The following PKIB variants were observed in gnomAD, a reference collection of about 807,000 sequenced individuals.
The protein encoded by PKIB is PKI-beta.
In PKIB, 2 loss-of-function variants were observed where a neutral mutation model predicts 4.5. The ratio of observed to expected loss-of-function variants is 0.44; its 90% CI spans 0.18 to 1.39. PKIB has a LOEUF of 1.39. Among genes scored for constraint, PKIB ranks in the 40% most tolerant of loss-of-function variants. The pLI, the probability that PKIB is intolerant of heterozygous loss-of-function variation, is 0.27. For synonymous variants in PKIB, 38 were observed against 36.0 expected (o/e 1.06, Z -0.20); for missense variants, 94 against 92.6 (o/e 1.02, Z -0.06).
At chr6:122,613,699 C>T (rs917012390) in intron 1 of PKIB, among the ~76,000 whole-genome samples, 33 of 152,068 alleles carry the variant, frequency 2.2e-4, no homozygotes, top group Non-Finnish European at 3.5e-4. Context: ...TGCGTGGTGG[C>T]TCATGCCTGT....
chr6:122,688,881 C>T (rs536662685), intron 3 of PKIB, among the ~76,000 whole-genome samples: 32 of 151,422 alleles, frequency 2.1e-4, no homozygotes, highest in East Asian at 7.8e-4. Context: ...CCCGGGTTCA[C>T]GCCATTCTCC....
intron 2 of PKIB, among the ~76,000 whole-genome samples, chr6:122,545,982 G>A (rs778616250): frequency 6.6e-6 from 1 of 151,658 alleles, no homozygotes. Flanking sequence ...CAGGTATAGC[G>A]TTAAGGGGTT....
intron 2 of PKIB, among the ~76,000 whole-genome samples, chr6:122,549,131 T>G (rs1772590726): frequency 1.3e-5 from 2 of 152,326 alleles, no homozygotes; most frequent in South Asian, 2.1e-4. Context: ...TGTGAAGTTC[T>G]TCTGTTCTTA....
chr6:122,686,327 C>G (rs1778089433), intron 3 of PKIB, among the ~76,000 whole-genome samples: 2 of 152,152 alleles, frequency 1.3e-5, no homozygotes, highest in Admixed American at 6.5e-5. Flanking sequence ...TATTGTCTCT[C>G]TTTTTAATAA....
At chr6:122,511,048 C>T (rs1459036616) in intron 2 of PKIB, among the ~76,000 whole-genome samples, 2 of 152,104 alleles carry the variant, frequency 1.3e-5, no homozygotes, top group East Asian at 1.9e-4. Context: ...TTTGTTAGTA[C>T]TTAGTAGACG....
intron 1 of PKIB, among the ~76,000 whole-genome samples, chr6:122,477,198 G>A (rs1775470956): frequency 6.6e-6 from 1 of 152,080 alleles, no homozygotes; most frequent in South Asian, 2.1e-4. Flanking sequence ...ATCTCCATTT[G>A]GACCAGCATA....
intron 2 of PKIB, among the ~76,000 whole-genome samples, chr6:122,515,609 C>A (rs1338002675): frequency 6.6e-6 from 1 of 152,112 alleles, no homozygotes; most frequent in Non-Finnish European, 1.5e-5. Context: ...AGCAGGTACC[C>A]CATGTACATG....
intron 2 of PKIB, among the ~76,000 whole-genome samples, chr6:122,554,285 T>G (rs1357216470): frequency 6.6e-6 from 1 of 152,210 alleles, no homozygotes; most frequent in Non-Finnish European, 1.5e-5. Context: ...AAGCAAAGAT[T>G]CTTGAATTTT....
intron 2 of PKIB, among the ~76,000 whole-genome samples, chr6:122,639,987 A>G (rs929527244): frequency 1.3e-5 from 2 of 152,172 alleles, no homozygotes; most frequent in Non-Finnish European, 2.9e-5. Flanking sequence ...AGTTAGATCT[A>G]CCAGCTTTGT....
At chr6:122,630,382 C>T (rs1300489628) in intron 1 of PKIB, among the ~76,000 whole-genome samples, 1 of 152,090 alleles carries the variant, frequency 6.6e-6, no homozygotes, top group East Asian at 1.9e-4. Flanking sequence ...AATTCTGGCA[C>T]TTGCTGCCAC....
intron 3 of PKIB, among the ~76,000 whole-genome samples, chr6:122,707,618 A>T (rs1273994048): frequency 6.6e-6 from 1 of 152,144 alleles, no homozygotes; most frequent in Non-Finnish European, 1.5e-5. Flanking sequence ...TATTTTACAT[A>T]GTTGGTATAT....
intron 3 of PKIB, among the ~76,000 whole-genome samples, chr6:122,695,329 T>G (rs1778529091): frequency 6.6e-6 from 1 of 152,182 alleles, no homozygotes; most frequent in Non-Finnish European, 1.5e-5. Flanking sequence ...GTGAAAGAAT[T>G]TTATGACACC....
chr6:122,480,353 T>A (rs564559028), intron 2 of PKIB: 2 of 152,302 alleles, frequency 1.3e-5, no homozygotes, highest in African/African-American at 4.8e-5. Context: ...ATAGTCAAAT[T>A]TTTTAATAAA....
rs1368946931 is a variant in PKIB, at chr6:122,631,046, A to G, written c.-160-2237A>G. Among the ~76,000 whole-genome samples the G allele has an allele frequency of 5.3e-5, 8 of 152,188 alleles. No individual in the cohort carries two copies. The South Asian group carries it at 1.7e-3, about 32-fold the overall frequency. Reference sequence around the variant, plus strand: ...GAGCTGAGGCCACAGTGCTAATTATATATTAAGGAATATTTGGTTGATATC... The same window carrying G: ...GAGCTGAGGCCACAGTGCTAATTATGTATTAAGGAATATTTGGTTGATATC... On this transcript the variant is annotated intron_variant, in intron 1 of 4. Coordinates refer to ENST00000368452, the MANE Select transcript of PKIB (RefSeq NM_181795.3).
At position 122,500,556 on chromosome 6, in the gene PKIB, A is replaced by G. The variant is rs116337850; in HGVS notation, c.-248+22617A>G. ...AACAATGCTGTCCAAGATTGTCTTT[A>G]GAATTTTTCTGACTGCTCCAGAGGA... On this transcript the variant is annotated intron_variant, in intron 2 of 6. Coordinates refer to the PKIB transcript ENST00000392491. Among the ~76,000 whole-genome samples the G allele has an allele frequency of 2.6e-3, 398 of 152,348 alleles. 4 individuals are homozygous for G. The highest frequency in any genetic ancestry group is 9.0e-3 in the African/African-American group (376 of 41,578).
At chr6:122,678,740 A>G (rs1019573338) in intron 3 of PKIB, among the ~76,000 whole-genome samples, 2 of 152,226 alleles carry the variant, frequency 1.3e-5, no homozygotes, top group African/African-American at 4.8e-5. Flanking sequence ...TGCAAGTGCC[A>G]CAGGAGCACA....
chr6:122,617,407 G>C (rs1775038493), intron 1 of PKIB, among the ~76,000 whole-genome samples: 1 of 152,130 alleles, frequency 6.6e-6, no homozygotes, highest in Non-Finnish European at 1.5e-5. Flanking sequence ...TTTTGCCAAA[G>C]AATATTAAGC....
intron 3 of PKIB, among the ~76,000 whole-genome samples, chr6:122,708,875 T>A (rs900299476): frequency 3.3e-5 from 5 of 152,096 alleles, no homozygotes; most frequent in African/African-American, 1.2e-4. Context: ...TCAGGTGATC[T>A]GCCTGCCTCA....
At chr6:122,690,263 A>G (rs1181180042) in intron 3 of PKIB, among the ~76,000 whole-genome samples, 1 of 151,518 alleles carries the variant, frequency 6.6e-6, no homozygotes, top group Non-Finnish European at 1.5e-5. Flanking sequence ...CAATGTTACT[A>G]TTGATAGGTA....
Sources: allele counts gnomAD v4.1 joint callset (sites outside exome capture counted in the v4.1 genomes callset), GRCh38; gene constraint gnomAD v4.1.1; transcripts MANE v1.5; gene names NCBI Gene and HGNC (gene_info 2026-07-23, HGNC 2026-07-21).